The following UBR4 variants were observed in gnomAD, a reference collection of about 807,000 sequenced individuals.
The protein encoded by UBR4 is E3 ubiquitin-protein ligase UBR4.
UBR4 carries 124 observed loss-of-function variants against 575.6 expected under a neutral mutation model. The ratio of observed to expected loss-of-function variants is 0.22; its 90% CI spans 0.19 to 0.25. The LOEUF is 0.25. Among genes scored for constraint, UBR4 ranks in the 10% least tolerant of loss-of-function variants. The pLI is 1.00. For synonymous variants in UBR4, 2,455 were observed against 2,473.7 expected (o/e 0.99, Z 0.22); for missense variants, 4,818 against 6,478.8 (o/e 0.74, Z 8.80).
chr1:19,083,475 G>A (rs552143811), intron 102 of UBR4, among the ~76,000 whole-genome samples: 1 of 152,338 alleles, frequency 6.6e-6, no homozygotes, highest in African/African-American at 2.4e-5. Flanking sequence ...CTTGCTAGGA[G>A]ATGGGGCCTA....
At position 19,210,237 on chromosome 1, in the gene UBR4, G is replaced by A. The variant is rs949300443; in HGVS notation, c.12C>T (p.Ser4=). MAT[S]GGEEAAAAAP... is the part of the protein sequence containing the mutation. ...CCGCTGCCGCCGCCTCTTCGCCGCC[G>A]CTCGTCGCCATCTTCCGTCGTACTA... The change falls in exon 1 of 106, where the codon AGC becomes AGT. Residue 4 remains serine (S), a synonymous_variant. Coordinates refer to ENST00000375254, the MANE Select transcript of UBR4 (RefSeq NM_020765.3). The A allele has an allele frequency of 9.8e-6, 14 of 1,430,708 alleles. No individual in the cohort carries two copies. Among genetic ancestry groups the A allele is most frequent in the East Asian group, 2.9e-5 (1 of 34,992 alleles). The allele number at this position is 1,430,708 out of a possible 1,614,324, so 88.6% of individuals were successfully genotyped here.
At chr1:19,186,753 T>G in intron 13 of UBR4, 96 bp from the exon 14 acceptor site, 1 of 1,173,742 alleles carries the variant, frequency 8.5e-7, no homozygotes. Context: ...TTTTCCTAAA[T>G]CCAAGAGTAT....
chr1:19,179,307 T>A lies in UBR4; in HGVS notation c.2185-87A>T, dbSNP rs2090621480. 3.0e-6 allele frequency: 4 copies of A among 1,346,400 alleles called. 1 individual carries two copies. In the South Asian group the frequency reaches 7.3e-5, roughly 25 times the overall value. The allele number at this position is 1,346,400 out of a possible 1,614,324, so 83.4% of individuals were successfully genotyped here. On this transcript the variant is annotated intron_variant, in intron 17 of 105. Coordinates refer to ENST00000375254, the MANE Select transcript of UBR4 (RefSeq NM_020765.3). ...ACTCATGTTCTCAAACGTTTGTTTGTTTAATATTGAACAGAATATTTTAAA... is the reference window on the plus strand; with the variant it reads ...ACTCATGTTCTCAAACGTTTGTTTGATTAATATTGAACAGAATATTTTAAA...
rs374403107 is a variant in UBR4 at position 19,076,669 on chromosome 1, G to A, written c.15487+71C>T. 13 of 1,599,882 alleles carry A rather than the reference G, an allele frequency of 8.1e-6. No individual in the cohort carries two copies. In the African/African-American group the frequency reaches 9.4e-5, roughly 12 times the overall value. ...CCTCTGGTCGTGAAGATAAAGCTAC[G>A]GATGACCCACGGAGGAAGACATGGG... On this transcript the variant is annotated intron_variant, in intron 105 of 105. Coordinates refer to ENST00000375254, the MANE Select transcript of UBR4 (RefSeq NM_020765.3).
Position 19,117,310 on chromosome 1 carries a change from G to A in UBR4, c.10734C>T (p.Ile3578=), listed in dbSNP as rs765901553. 19 of 1,614,002 alleles carry A rather than the reference G, an allele frequency of 1.2e-5. No individual in the cohort carries two copies. Among genetic ancestry groups the A allele is most frequent in the Admixed American group, 8.3e-5 (5 of 59,994 alleles). ...SHTISKVTVK[I]GDLKRTKMVR... is the part of the protein sequence containing the mutation. ...CCATCTTGGTCCGTTTCAGATCCCC[G>A]ATTTTCACTGTCACTTTGCTGATGG... The change falls in exon 73 of 106, where the codon ATC becomes ATT. Residue 3578 remains isoleucine (I), a synonymous_variant. Transcript: ENST00000375254. This position sits in a 1 kb window ranked among gnomAD's most constrained non-coding sequence, Gnocchi z 4.0.
chr1:19,076,546 C>T (rs1028265906), intron 105 of UBR4, among the ~76,000 whole-genome samples, 194 bp downstream of exon 105: 1 of 152,166 alleles, frequency 6.6e-6, no homozygotes, highest in South Asian at 2.1e-4. Context: ...GTGCTCAGTA[C>T]ATGTTAGAGC....
chr1:19,184,263 T>A (rs955421151), intron 15 of UBR4, 88 bp from the exon 16 acceptor site: 2 of 1,364,634 alleles, frequency 1.5e-6, no homozygotes, highest in African/African-American at 2.9e-5. Context: ...AAATAAAATA[T>A]GCTCATAGGT....
Position 19,156,779 on chromosome 1 carries a change from A to G in UBR4, c.5907T>C (p.Val1969=). The G allele has an allele frequency of 6.2e-7, 1 of 1,613,528 alleles. No homozygotes were observed. Among genetic ancestry groups the G allele is most frequent in the Non-Finnish European group, 8.5e-7 (1 of 1,179,534 alleles). ...GNPCKEDYLA[V]CGLKDCHVLT... is the part of the protein sequence containing the mutation. The stretch of plus-strand genomic sequence containing the variant: ...TCCGGATTTTTACCTTTAGCCCACA[A>G]ACCGCCAAGTAGTCTTCCTTGCAGG... The change falls in exon 41 of 106, where the codon GTT becomes GTC. Residue 1969 remains valine (V), a synonymous_variant. Coordinates refer to ENST00000375254, the MANE Select transcript of UBR4 (RefSeq NM_020765.3).
At chr1:19,196,110 T>C (rs879609562) in intron 8 of UBR4, among the ~76,000 whole-genome samples, 2 of 152,072 alleles carry the variant, frequency 1.3e-5, no homozygotes, top group Non-Finnish European at 2.9e-5. Context: ...CCTACCTGAC[T>C]TAAGATTCAA....
intron 3 of UBR4, among the ~76,000 whole-genome samples, 186 bp from the exon 4 acceptor site, chr1:19,199,114 A>G (rs1226699129): frequency 6.6e-6 from 1 of 152,202 alleles, no homozygotes; most frequent in African/African-American, 2.4e-5. Flanking sequence ...TTGTTCTCAC[A>G]ATATTTTTTT....
At chr1:19,108,169 C>G (rs1387205289) in intron 81 of UBR4, among the ~76,000 whole-genome samples, 1 of 152,146 alleles carries the variant, frequency 6.6e-6, no homozygotes, top group South Asian at 2.1e-4. Context: ...GAAAGATTAG[C>G]TGTAGTATGG....
chr1:19,154,476 G>A (rs1479232869), intron 44 of UBR4, among the ~76,000 whole-genome samples: 1 of 152,130 alleles, frequency 6.6e-6, no homozygotes, highest in East Asian at 1.9e-4. Context: ...TTGCAAACTT[G>A]TTGAAAGTCT....
chr1:19,154,888 G>A lies in UBR4; in HGVS notation c.6458+30C>T, dbSNP rs201544026. 1.7e-3 allele frequency: 2,688 copies of A among 1,613,392 alleles called. 12 individuals are homozygous for A. The highest frequency in any genetic ancestry group is 9.6e-3 in the Middle Eastern group (58 of 6,060). On this transcript the variant is annotated intron_variant, in intron 44 of 105. Transcript: ENST00000375254. The stretch of plus-strand genomic sequence containing the variant: ...ATCCCACATTGAATGTGGACATTGC[G>A]GAAGTTGAACATTAAATGTTCATTC...
At position 19,156,794 on chromosome 1, in the gene UBR4, T is replaced by G; in HGVS notation, c.5892A>C (p.Glu1964Asp). 6.2e-7 allele frequency: 1 copy of G among 1,614,000 alleles called. No individual in the cohort carries two copies. The highest frequency in any genetic ancestry group is 8.5e-7 in the Non-Finnish European group (1 of 1,179,866). Residue 1964 changes from glutamate to aspartate, a missense_variant, in exon 41 of 106, where the codon GAA becomes GAC. Glu to Asp is a conservative substitution (Grantham distance 45). Around this residue, in one of 29 missense-constraint regions of UBR4, gnomAD observed 461 missense variants for 606.9 expected, o/e 0.76. Transcript: ENST00000375254. ...VLSLTGNPCKEDYLAVCGLKD... is the reference protein window; with the variant it reads ...VLSLTGNPCKDDYLAVCGLKD... ...TTAGCCCACAAACCGCCAAGTAGTC[T>G]TCCTTGCAGGGATTTCCTGTGAGGC...
rs1311023753 is a variant in UBR4, at chr1:19,110,736, G to A, written c.11892+6C>T. 8 of 1,613,830 alleles carry A rather than the reference G, an allele frequency of 5.0e-6. No homozygotes were observed. Among genetic ancestry groups the A allele is most frequent in the Admixed American group, 1.7e-5 (1 of 60,008 alleles). ...GAGGACAGCTGGGCCTGCTAGGCCG[G>A]CTCACCAGATCGGGGTTGGCCCAGT... On this transcript the variant is annotated splice_donor_region_variant and intron_variant, in intron 79 of 105. Coordinates refer to ENST00000375254, the MANE Select transcript of UBR4 (RefSeq NM_020765.3). The surrounding 1 kb of genome is among the most constrained non-coding windows in gnomAD (Gnocchi z 4.5).
rs1264278577 is a variant in UBR4 at position 19,156,757 on chromosome 1, G to A, written c.5919+10C>T. ...GCTCAAGGCAATCAAACCTAGATCCGGATTTTTACCTTTAGCCCACAAACC... is the reference window on the plus strand; with the variant it reads ...GCTCAAGGCAATCAAACCTAGATCCAGATTTTTACCTTTAGCCCACAAACC... On this transcript the variant is annotated intron_variant, in intron 41 of 105. Coordinates refer to ENST00000375254, the MANE Select transcript of UBR4 (RefSeq NM_020765.3). The A allele has an allele frequency of 1.3e-5, 21 of 1,610,990 alleles. No homozygotes were observed. The highest frequency in any genetic ancestry group is 3.3e-5 in the South Asian group (3 of 90,882).
chr1:19,183,027 A>T (rs2091162137), intron 17 of UBR4, among the ~76,000 whole-genome samples: 1 of 152,220 alleles, frequency 6.6e-6, no homozygotes, highest in Non-Finnish European at 1.5e-5. Context: ...GTTCACAGTC[A>T]ACGTCCTAGA....
intron 8 of UBR4, among the ~76,000 whole-genome samples, chr1:19,194,039 G>A (rs2151493173): frequency 6.6e-6 from 1 of 152,250 alleles, no homozygotes; most frequent in East Asian, 1.9e-4. Context: ...GGGGTCGAGG[G>A]ATGGGATAAG....
At chr1:19,130,944 T>A (rs1448894335) in intron 60 of UBR4, among the ~76,000 whole-genome samples, 1 of 152,034 alleles carries the variant, frequency 6.6e-6, no homozygotes, top group African/African-American at 2.4e-5. Context: ...TGGGACACTC[T>A]GTTGCCCAGG....
Sources: gnomAD v4.1 joint callset for allele counts (sites outside exome capture counted in the v4.1 genomes callset) on GRCh38, gnomAD v4.1.1 for gene constraint, gnomAD v4.1.1 regional missense constraint, Gnocchi (gnomAD v3.1) non-coding constraint, MANE v1.5 for transcripts, NCBI Gene and HGNC (gene_info 2026-07-23, HGNC 2026-07-21) for gene names.